Variants in PHLDA1 observed in about 807,000 individuals in gnomAD.
The protein encoded by PHLDA1 is pleckstrin homology like domain family A member 1.
In PHLDA1, 28 loss-of-function variants were observed where a neutral mutation model predicts 33.8. That is an observed-to-expected ratio of 0.83 (90% CI 0.61 to 1.14). The LOEUF (loss-of-function observed/expected upper bound fraction) is 1.14. Among genes scored for constraint, PHLDA1 ranks in the 50% most tolerant of loss-of-function variants. The pLI is 0.00. For synonymous variants in PHLDA1, 271 were observed against 243.6 expected (o/e 1.11, Z -1.05); for missense variants, 595 against 548.6 (o/e 1.08, Z -0.84).
intron 1 of PHLDA1, 104 bp downstream of exon 1, chr12:76,030,406 T>G (rs1286743557): frequency 1.2e-6 from 1 of 857,322 alleles, no homozygotes; most frequent in Non-Finnish European, 1.8e-6. Flanking sequence ...GTATGAGTTT[T>G]GATTTCTCCA....
rs776880916 is a variant in PHLDA1, at chr12:76,031,374, C to T, written c.368G>A (p.Arg123His). The T allele has an allele frequency of 1.2e-6, 2 of 1,607,870 alleles. No individual in the cohort carries two copies. Among genetic ancestry groups the T allele is most frequent in the Non-Finnish European group, 1.7e-6 (2 of 1,177,970 alleles). ...CTCGGCCTCTCCGTTTCCAGCCGCG[C>T]GGGCCGGGGGCAGCAGCAGCAGCCT... The change falls in exon 1 of 2, where the codon CGC becomes CAC. Residue 123 changes from arginine to histidine, a missense_variant. Around this residue, in one of 3 missense-constraint regions of PHLDA1, gnomAD observed 263 missense variants for 232.3 expected, o/e 1.13. Transcript: ENST00000266671. The surrounding 1 kb of genome is among the most constrained non-coding windows in gnomAD (Gnocchi z 5.4).
Position 76,031,440 on chromosome 12 carries a change from C to T in PHLDA1, c.302G>A (p.Arg101Gln), listed in dbSNP as rs747476657. 7 of 1,541,842 alleles carry T rather than the reference C, an allele frequency of 4.5e-6. No individual in the cohort carries two copies. The highest frequency in any genetic ancestry group is 1.2e-5 in the South Asian group (1 of 82,934). Residue 101 changes from arginine to glutamine, a missense_variant, in exon 1 of 2, where the codon CGG becomes CAG. Physicochemically the swap from Arg to Gln is conservative, Grantham distance 43. Transcript: ENST00000266671. The surrounding 1 kb of genome is among the most constrained non-coding windows in gnomAD (Gnocchi z 5.4). Reference sequence around the variant, plus strand: ...CCAGCGGCTCCCACGGCCGCCTGCCCGGAGCGCGCAGAGGAGGCTAACACG... The same window carrying T: ...CCAGCGGCTCCCACGGCCGCCTGCCTGGAGCGCGCAGAGGAGGCTAACACG...
chr12:76,031,473 C>T lies in PHLDA1; in HGVS notation c.269G>A (p.Cys90Tyr), dbSNP rs1372807194. The change falls in exon 1 of 2, where the codon TGC becomes TAC. Residue 90 changes from cysteine to tyrosine, a missense_variant. Around this residue, in one of 3 missense-constraint regions of PHLDA1, gnomAD observed 263 missense variants for 232.3 expected, o/e 1.13. Transcript: ENST00000266671. This position sits in a 1 kb window ranked among gnomAD's most constrained non-coding sequence, Gnocchi z 5.4. ...GCAGAGGAGGCTAACACGCAGGAGG[C>T]AGAGCGGCGGCGGCGGCTCTGGGTC... 5 of 1,529,446 alleles carry T rather than the reference C, an allele frequency of 3.3e-6. No individual in the cohort carries two copies. The highest frequency in any genetic ancestry group is 4.4e-6 in the Non-Finnish European group (5 of 1,140,364). 94.7% of individuals were successfully genotyped at this position (1,529,446 alleles called of 1,614,324 possible).
At chr12:76,030,821 G>C (rs563792371) in exon 1 of PHLDA1, 2 of 1,564,892 alleles carry the variant, frequency 1.3e-6, no homozygotes, top group Admixed American at 3.7e-5. Context: ...GCTGCGAGGG[G>C]GGCTGCTGCT....
chr12:76,030,463 C>T (rs1184966829), intron 1 of PHLDA1, 47 bp downstream of exon 1: 10 of 1,485,600 alleles, frequency 6.7e-6, no homozygotes, highest in Non-Finnish European at 9.3e-6. Context: ...TCCCAACTCA[C>T]TACCCCCGAG....
rs1474469273 is a variant in PHLDA1, at chr12:76,031,375, G to A, written c.367C>T (p.Arg123Cys). ...TCGGCCTCTCCGTTTCCAGCCGCGC[G>A]GGCCGGGGGCAGCAGCAGCAGCCTC... Residue 123 changes from arginine to cysteine, a missense_variant, in exon 1 of 2, where the codon CGC (arginine) becomes TGC (cysteine). Around this residue, in one of 3 missense-constraint regions of PHLDA1, gnomAD observed 263 missense variants for 232.3 expected, o/e 1.13. Transcript: ENST00000266671. This position sits in a 1 kb window ranked among gnomAD's most constrained non-coding sequence, Gnocchi z 5.4. 4 of 1,607,302 alleles carry A rather than the reference G, an allele frequency of 2.5e-6. No homozygotes were observed. Among genetic ancestry groups the A allele is most frequent in the Non-Finnish European group, 3.4e-6 (4 of 1,177,618 alleles).
chr12:76,029,193 T>C (rs1870836478), exon 2 of PHLDA1: 1 of 152,206 alleles, frequency 6.6e-6, no homozygotes, highest in African/African-American at 2.4e-5. Context: ...GGAGTACAAA[T>C]ATTCTCTTAT....
chr12:76,031,073 G>C lies in PHLDA1; in HGVS notation c.669C>G (p.Leu223=). 6.2e-7 allele frequency: 1 copy of C among 1,610,000 alleles called. No homozygotes were observed. The highest frequency in any genetic ancestry group is 8.5e-7 in the Non-Finnish European group (1 of 1,179,898). The change falls in exon 1 of 2, where the codon CTC becomes CTG. Residue 223 remains leucine, a synonymous_variant. Coordinates refer to ENST00000266671, the Ensembl canonical transcript of PHLDA1. The surrounding 1 kb of genome is among the most constrained non-coding windows in gnomAD (Gnocchi z 5.4). ...GTTCCTTGAGCTTGACCGGCGGCTCGAGGCTGGCGACAGCGGGGCCACTGG... is the reference window on the plus strand; with the variant it reads ...GTTCCTTGAGCTTGACCGGCGGCTCCAGGCTGGCGACAGCGGGGCCACTGG...
At chr12:76,027,470 A>C (rs1870797713) in exon 2 of PHLDA1, 1 of 152,218 alleles carries the variant, frequency 6.6e-6, no homozygotes, top group Admixed American at 6.5e-5. Flanking sequence ...TCAAGAAACC[A>C]TTATTCTGGG....
chr12:76,031,613 G>A lies in PHLDA1; in HGVS notation c.129C>T (p.Arg43=), dbSNP rs370025322. 47 of 1,570,822 alleles carry A rather than the reference G, an allele frequency of 3.0e-5. No individual in the cohort carries two copies. In the South Asian group the frequency reaches 4.8e-4, roughly 16 times the overall value. Residue 43 remains arginine, a synonymous_variant, in exon 1 of 2, where the codon CGC becomes CGT. Coordinates refer to ENST00000266671, the Ensembl canonical transcript of PHLDA1. This position sits in a 1 kb window ranked among gnomAD's most constrained non-coding sequence, Gnocchi z 5.4. ...TGAAGGGCACTGGCCGGGCCCCCTC[G>A]CGGCGCTTTTGAATGGGCCATCTTC...
At chr12:76,029,524 C>T (rs1870846046) in exon 2 of PHLDA1, 1 of 152,248 alleles carries the variant, frequency 6.6e-6, no homozygotes, top group Non-Finnish European at 1.5e-5. Context: ...TCTAGACAAA[C>T]TATATGTTTA....
rs975531956 is a variant in PHLDA1 at position 76,031,728 on chromosome 12, G to A, written c.14C>T (p.Pro5Leu). 8 of 1,383,758 alleles carry A rather than the reference G, an allele frequency of 5.8e-6. No individual in the cohort carries two copies. In the East Asian group the frequency reaches 8.9e-5, roughly 15 times the overall value. The allele number at this position is 1,383,758 out of a possible 1,614,324, so 85.7% of individuals were successfully genotyped here. The change falls in exon 1 of 2, where the codon CCG (proline) becomes CTG (leucine). Residue 5 changes from proline (P) to leucine (L), a missense_variant. Pro to Leu is a moderately conservative substitution (Grantham distance 98). This residue lies in a region of PHLDA1 where 263 missense variants were observed against 232.3 expected (regional missense o/e 1.13). Coordinates refer to ENST00000266671, the Ensembl canonical transcript of PHLDA1. This position sits in a 1 kb window ranked among gnomAD's most constrained non-coding sequence, Gnocchi z 5.4. ...CAGCTCCAAGAGGCGCTCGGCAGCC[G>A]GCGCACGCCTCATTAACTTGGGGCC...
At chr12:76,030,447 T>C in intron 1 of PHLDA1, 63 bp downstream of exon 1, 1 of 1,305,928 alleles carries the variant, frequency 7.7e-7, no homozygotes, top group South Asian at 1.3e-5. Context: ...ACAAGCTTCC[T>C]ACTCCTCCCA....
exon 2 of PHLDA1, chr12:76,026,582 G>C (rs1870778320): frequency 6.6e-6 from 1 of 151,718 alleles, no homozygotes; most frequent in African/African-American, 2.4e-5. Flanking sequence ...ACTCCTTTAA[G>C]TAATGCGTAG....
In PHLDA1 at chr12:76,031,580, G is replaced by A. The variant is rs771112008; in HGVS notation, c.162C>T (p.Arg54=). 1.3e-6 allele frequency: 2 copies of A among 1,576,340 alleles called. No individual in the cohort carries two copies. Among genetic ancestry groups the A allele is most frequent in the South Asian group, 1.2e-5 (1 of 86,150 alleles). Residue 54 remains arginine, a synonymous_variant, in exon 1 of 2, where the codon CGC becomes CGT. Transcript: ENST00000266671. The surrounding 1 kb of genome is among the most constrained non-coding windows in gnomAD (Gnocchi z 5.4). ...CCGGGCCTCTGCCGTCCTCTTGCGA[G>A]CGCTCACTGAAGGGCACTGGCCGGG...
chr12:76,030,934 G>A lies in PHLDA1; in HGVS notation c.808C>T (p.Gln270Ter). 1.2e-6 allele frequency: 2 copies of A among 1,614,044 alleles called. No homozygotes were observed. The highest frequency in any genetic ancestry group is 2.2e-5 in the South Asian group (2 of 91,074). The change falls in exon 1 of 2, where the codon CAG becomes TAG. Residue 270 changes from glutamine (Q) to a stop codon, truncating the protein, a stop_gained. Transcript: ENST00000266671. LOFTEE classifies it high-confidence loss of function. ...AGCGTGATCTCGGCGTTCCAGCCCT[G>A]GTCTTGCGGGCACCGAAAGTCGATC... is the stretch of plus-strand genomic sequence containing the variant.
In PHLDA1 at chr12:76,031,397, C is replaced by T; in HGVS notation, c.345G>A (p.Arg115=). The change falls in exon 1 of 2, where the codon AGG becomes AGA. Residue 115 remains arginine (R), a synonymous_variant. Transcript: ENST00000266671. The surrounding 1 kb of genome is among the most constrained non-coding windows in gnomAD (Gnocchi z 5.4). ...CGCGGGCCGGGGGCAGCAGCAGCAG[C>T]CTCGCGCCGTCCTCGCCCCAGCGGC... is the stretch of plus-strand genomic sequence containing the variant. 1 of 1,593,266 alleles carries T rather than the reference C, an allele frequency of 6.3e-7. No homozygotes were observed. The highest frequency in any genetic ancestry group is 8.5e-7 in the Non-Finnish European group (1 of 1,171,184).
chr12:76,030,900 A>G, exon 1 of PHLDA1: 1 of 1,613,562 alleles, frequency 6.2e-7, no homozygotes, highest in African/African-American at 1.3e-5. Flanking sequence ...CTTGTACTGC[A>G]CCATCTGCAG....
rs199818898 is a variant in PHLDA1 at position 76,030,469 on chromosome 12, C to G, written c.*26+41G>C. On this transcript the variant is annotated intron_variant, in intron 1 of 1. Coordinates refer to ENST00000266671, the Ensembl canonical transcript of PHLDA1. ...TCCTACTCCTCCCAACTCACTACCC[C>G]CGAGACCCACTCCTCGGGAGCGCGA... 1.7e-5 allele frequency: 26 copies of G among 1,535,958 alleles called. 2 individuals are homozygous for G. Among genetic ancestry groups the G allele is most frequent in the South Asian group, 1.7e-4 (14 of 84,178 alleles).
Sources: gnomAD v4.1 joint callset for allele counts on GRCh38, gnomAD v4.1.1 for gene constraint, gnomAD v4.1.1 regional missense constraint, Gnocchi (gnomAD v3.1) non-coding constraint, MANE v1.5 for transcripts, NCBI Gene and HGNC (gene_info 2026-07-23, HGNC 2026-07-21) for gene names.